The following ALPK1 variants were observed in gnomAD, a reference collection of about 807,000 sequenced individuals.
The protein encoded by ALPK1 is alpha kinase 1, also known as alpha-protein kinase 1.
A neutral mutation model predicts 120.6 loss-of-function variants in ALPK1; 110 were observed. The observed-to-expected ratio is 0.91, with a 90% CI of 0.78 to 1.07. The LOEUF (loss-of-function observed/expected upper bound fraction) is 1.07, where lower values mean the gene tolerates loss of function less well. Among genes scored for constraint, ALPK1 ranks in the 50% least tolerant of loss-of-function variants. The pLI, the probability that ALPK1 is intolerant of heterozygous loss-of-function variation, is 0.00. For synonymous variants in ALPK1, 582 were observed against 560.3 expected, an observed-to-expected ratio of 1.04 and a Z score of -0.55; for missense variants, 1,498 against 1,483.9, an observed-to-expected ratio of 1.01 and a Z score of -0.16.
At chr4:112,306,557 C>G (rs1728070528) in intron 1 of ALPK1, among the ~76,000 whole-genome samples, 1 of 152,198 alleles carries the variant, frequency 6.6e-6, no homozygotes, top group Middle Eastern at 3.4e-3. Flanking sequence ...ATAGTATTCT[C>G]TGATGGTAGT....
chr4:112,407,712 A>G (rs1733251649), intron 4 of ALPK1, among the ~76,000 whole-genome samples: 1 of 152,188 alleles, frequency 6.6e-6, no homozygotes, highest in Non-Finnish European at 1.5e-5. Flanking sequence ...ATTCCCTGTG[A>G]GGAAAGAGTG....
chr4:112,358,435 C>A, intron 2 of ALPK1: 2 of 650,944 alleles, frequency 3.1e-6, no homozygotes, highest in Non-Finnish European at 5.6e-6. Context: ...CAACTGGCCC[C>A]CTCCTCTCCA....
intron 1 of ALPK1, among the ~76,000 whole-genome samples, chr4:112,305,080 A>G (rs1471250940): frequency 3.3e-5 from 5 of 151,924 alleles, no homozygotes; most frequent in Admixed American, 6.6e-5. Flanking sequence ...TATTATTTCT[A>G]AGGGCTCTGT....
chr4:112,368,220 G>T (rs750507540), intron 2 of ALPK1, among the ~76,000 whole-genome samples: 1 of 152,110 alleles, frequency 6.6e-6, no homozygotes, highest in Non-Finnish European at 1.5e-5. Context: ...TCCCCACCTA[G>T]AGTGAATATT....
At chr4:112,378,102 T>C (rs774288926) in intron 3 of ALPK1, among the ~76,000 whole-genome samples, 1 of 151,852 alleles carries the variant, frequency 6.6e-6, no homozygotes, top group Non-Finnish European at 1.5e-5. Context: ...TGCACTGAAT[T>C]GCTGTCAGTT....
At chr4:112,329,544 G>A (rs142269263) in intron 2 of ALPK1, among the ~76,000 whole-genome samples, 2 of 152,276 alleles carry the variant, frequency 1.3e-5, no homozygotes, top group Non-Finnish European at 1.5e-5. Flanking sequence ...AAAGCCATGA[G>A]GTTCCAGTTA....
At chr4:112,378,970 G>A (rs1385196004) in intron 3 of ALPK1, among the ~76,000 whole-genome samples, 1 of 152,196 alleles carries the variant, frequency 6.6e-6, no homozygotes, top group Non-Finnish European at 1.5e-5. Flanking sequence ...GGCTCCATGT[G>A]CCTGTCAGCC....
rs368719469 is a variant in ALPK1, at chr4:112,431,583, C to G, written c.2036C>G (p.Thr679Ser). ...TTGACACCCTTCTCGCCTCATAATA[C>G]CCCAGGCATTTTCTTGGCCCCTGGT... ...MPLTPFSPHN[T>S]PGIFLAPGAG... Residue 679 changes from threonine to serine, a missense_variant, in exon 11 of 16, where the codon ACC becomes AGC. Coordinates refer to ENST00000650871, the MANE Select transcript of ALPK1 (RefSeq NM_025144.4). 7.4e-6 allele frequency: 12 copies of G among 1,614,062 alleles called. No homozygotes were observed. The highest frequency in any genetic ancestry group is 2.7e-5 in the African/African-American group (2 of 74,916).
At chr4:112,392,936 C>T (rs1578530219) in intron 4 of ALPK1, among the ~76,000 whole-genome samples, 1 of 152,206 alleles carries the variant, frequency 6.6e-6, no homozygotes, top group Admixed American at 6.5e-5. Flanking sequence ...AACAAACAAA[C>T]AAACGCTCAG....
At chr4:112,322,389 T>A (rs1453469069) in intron 2 of ALPK1, among the ~76,000 whole-genome samples, 1 of 152,170 alleles carries the variant, frequency 6.6e-6, no homozygotes, top group Non-Finnish European at 1.5e-5. Context: ...ACTACAGATA[T>A]CCCTGAAATA....
chr4:112,435,267 G>A lies in ALPK1; in HGVS notation c.3154G>A (p.Val1052Ile), dbSNP rs750164837. 5 of 1,611,992 alleles carry A rather than the reference G, an allele frequency of 3.1e-6. No individual in the cohort carries two copies. Among genetic ancestry groups the A allele is most frequent in the East Asian group, 4.5e-5 (2 of 44,846 alleles). ...AGGCAGACAAAGAAATGCTTTTTGGGTTCATCATCTTCATCAAGAAGAAAT... is the reference window on the plus strand; with the variant it reads ...AGGCAGACAAAGAAATGCTTTTTGGATTCATCATCTTCATCAAGAAGAAAT... ...KKGRQRNAFWVHHLHQEEILG... is the reference protein window; with the variant it reads ...KKGRQRNAFWIHHLHQEEILG... Residue 1052 changes from valine to isoleucine, a missense_variant, in exon 12 of 16, where the codon GTT (valine) becomes ATT (isoleucine). Coordinates refer to ENST00000650871, the MANE Select transcript of ALPK1 (RefSeq NM_025144.4).
intron 2 of ALPK1, among the ~76,000 whole-genome samples, chr4:112,350,147 G>A (rs1387092707): frequency 1.3e-5 from 2 of 152,170 alleles, no homozygotes; most frequent in Non-Finnish European, 1.5e-5. Context: ...TTCTGCTCCT[G>A]TTATTTCAGA....
At chr4:112,353,884 T>C (rs1011266154) in intron 2 of ALPK1, among the ~76,000 whole-genome samples, 1 of 150,236 alleles carries the variant, frequency 6.7e-6, no homozygotes, top group Non-Finnish European at 1.5e-5. Flanking sequence ...AATAAATAAA[T>C]AAATAAATAA....
chr4:112,336,462 C>A (rs1043567654), intron 2 of ALPK1, among the ~76,000 whole-genome samples: 1 of 152,040 alleles, frequency 6.6e-6, no homozygotes, highest in African/African-American at 2.4e-5. Context: ...GGGCCATTTG[C>A]CTCTTTTGTA....
At chr4:112,365,439 G>A (rs139954000) in intron 2 of ALPK1, among the ~76,000 whole-genome samples, 2 of 152,232 alleles carry the variant, frequency 1.3e-5, no homozygotes, top group East Asian at 3.9e-4. Flanking sequence ...TTCAAATTGA[G>A]AACTCAAGCC....
chr4:112,441,004 T>C lies in ALPK1; in HGVS notation c.3626T>C (p.Phe1209Ser), dbSNP rs772280217. Residue 1209 changes from phenylalanine to serine, a missense_variant, in exon 15 of 16, where the codon TTT becomes TCT. By Grantham distance (155) the Phe-to-Ser change is radical. Transcript: ENST00000650871. The part of the protein sequence containing the change: ...SVDQKVFTTN[F>S]GKRGIFYFFN... ...GATCAGAAAGTTTTCACTACCAATT[T>C]TGGAAAGAGAGGAATTTTTTACTTC... 6.2e-7 allele frequency: 1 copy of C among 1,614,048 alleles called. No homozygotes were observed. The highest frequency in any genetic ancestry group is 1.1e-5 in the South Asian group (1 of 91,082).
chr4:112,416,711 CA>C (rs1733761445), intron 5 of ALPK1, among the ~76,000 whole-genome samples: 1 of 151,744 alleles, frequency 6.6e-6, no homozygotes, highest in Non-Finnish European at 1.5e-5. Context: ...CTCATCTCTA[CA>C]AAAAATAAAC....
intron 2 of ALPK1, among the ~76,000 whole-genome samples, chr4:112,329,075 A>G (rs1216493614): frequency 6.6e-6 from 1 of 152,134 alleles, no homozygotes; most frequent in Non-Finnish European, 1.5e-5. Context: ...TCATCCCTTT[A>G]CCCTTCACAT....
At chr4:112,358,514 G>C (rs1057401667) in intron 2 of ALPK1, 2 of 679,190 alleles carry the variant, frequency 2.9e-6, no homozygotes, top group Non-Finnish European at 5.3e-6. Flanking sequence ...GTCACCAGCT[G>C]CTGGGGACCC....
Sources: gnomAD v4.1 joint callset for allele counts (sites outside exome capture counted in the v4.1 genomes callset) on GRCh38, gnomAD v4.1.1 for gene constraint, MANE v1.5 for transcripts, NCBI Gene and HGNC (gene_info 2026-07-23, HGNC 2026-07-21) for gene names.